CLRN1: variants seen among roughly 807,000 people sequenced by gnomAD.
CLRN1 encodes clarin-1.
Under a neutral mutation model 18.7 loss-of-function variants are expected in CLRN1, and 15 were observed. That is an observed-to-expected ratio of 0.80 (90% confidence interval 0.54 to 1.23). CLRN1 has a LOEUF of 1.23. CLRN1 is among the 50% of genes most tolerant of loss of function. CLRN1 has a pLI of 0.00. For synonymous variants in CLRN1, 104 were observed against 102.9 expected (o/e 1.01, Z -0.07); for missense variants, 311 against 277.5 (o/e 1.12, Z -0.86).
intron 1 of CLRN1, among the ~76,000 whole-genome samples, chr3:150,959,990 A>G (rs947391674): frequency 4.6e-5 from 7 of 152,286 alleles, no homozygotes; most frequent in Admixed American, 3.3e-4. Flanking sequence ...TCAAAGCACA[A>G]TGGGTAGAGG....
At chr3:150,966,816 A>G (rs1715281949) in intron 1 of CLRN1, among the ~76,000 whole-genome samples, 1 of 152,220 alleles carries the variant, frequency 6.6e-6, no homozygotes, top group African/African-American at 2.4e-5. Context: ...ATGTCTAATG[A>G]TGGTGGCCAA....
chr3:150,945,731 T>C lies in CLRN1; in HGVS notation c.254-3970A>G, dbSNP rs915672373. On this transcript the variant is annotated intron_variant, in intron 1 of 2. Transcript: ENST00000327047. ...TAAAACTTTGAGATACCATTTTCAA[T>C]ACATCATGTTTACAAAGATGAAAGC... 8.4e-6 allele frequency: 8 copies of C among 956,806 alleles called. No individual in the cohort carries two copies. In the African/African-American group the frequency reaches 1.2e-4, roughly 14 times the overall value. 59.3% of individuals were successfully genotyped at this position (956,806 alleles called of 1,614,324 possible).
chr3:150,928,874 G>A lies in CLRN1; in HGVS notation c.434-673C>T, dbSNP rs75253061. On this transcript the variant is annotated intron_variant, in intron 2 of 2. Transcript: ENST00000327047. Reference sequence around the variant, plus strand: ...CTAAGGGTGGTTGGGAAGTATGGGCGGGATAGTCTTCTTGAACTATACAGG... The same window carrying A: ...CTAAGGGTGGTTGGGAAGTATGGGCAGGATAGTCTTCTTGAACTATACAGG... Among the ~76,000 whole-genome samples the A allele has an allele frequency of 4.4e-4, 67 of 152,288 alleles. No homozygotes were observed. The East Asian group carries it at 6.0e-3, about 14-fold the overall frequency.
chr3:150,948,645 C>G (rs994103573), intron 1 of CLRN1, among the ~76,000 whole-genome samples: 1 of 151,466 alleles, frequency 6.6e-6, no homozygotes, highest in South Asian at 2.1e-4. Flanking sequence ...TACACCTTCC[C>G]AAGACTGGAC....
chr3:150,945,872 A>G (rs139365108), intron 1 of CLRN1, among the ~76,000 whole-genome samples: 6 of 152,324 alleles, frequency 3.9e-5, no homozygotes, highest in African/African-American at 1.4e-4. Flanking sequence ...TCTATAAAGC[A>G]TTAAAATGCA....
rs1713869846 is a variant in CLRN1, at chr3:150,941,910, G to C, written c.254-149C>G. ...ATTCTCACTTACTAACTTATAAGGG[G>C]TTTACAAAAAGGTTTAAAGATAGGA... On this transcript the variant is annotated intron_variant, in intron 1 of 2. Transcript: ENST00000327047. The C allele has an allele frequency of 1.1e-5, 8 of 756,110 alleles. No individual in the cohort carries two copies. In the East Asian group the frequency reaches 2.2e-4, roughly 20 times the overall value. 46.8% of individuals were successfully genotyped at this position (756,110 alleles called of 1,614,324 possible).
At chr3:150,958,856 A>G (rs114871519) in intron 1 of CLRN1, among the ~76,000 whole-genome samples, 4,084 of 152,322 alleles carry the variant, frequency 0.027, 89 homozygotes, top group Middle Eastern at 0.089. Flanking sequence ...CCAATAAAAT[A>G]TAAGTGGAGG....
intron 2 of CLRN1, among the ~76,000 whole-genome samples, chr3:150,929,572 G>A (rs146924401): frequency 6.6e-5 from 10 of 152,154 alleles, no homozygotes; most frequent in Admixed American, 2.0e-4. Context: ...ATCTATAAAA[G>A]GTGGCTAATA....
At chr3:150,957,740 C>A (rs1714822507) in intron 1 of CLRN1, among the ~76,000 whole-genome samples, 1 of 152,160 alleles carries the variant, frequency 6.6e-6, no homozygotes, top group Non-Finnish European at 1.5e-5. Flanking sequence ...CTCACTGCAA[C>A]CTCTGCCTCC....
chr3:150,972,372 G>A (rs1576651167), intron 1 of CLRN1, 84 bp downstream of exon 1: 1 of 1,589,764 alleles, frequency 6.3e-7, no homozygotes, highest in East Asian at 2.2e-5. Context: ...AGTAAACACG[G>A]CAAAATTCTC....
chr3:150,962,589 A>T (rs1279453265), intron 1 of CLRN1, among the ~76,000 whole-genome samples: 1 of 152,098 alleles, frequency 6.6e-6, no homozygotes, highest in Non-Finnish European at 1.5e-5. Flanking sequence ...TTTGTTTTAA[A>T]ACTGTTCATG....
At chr3:150,951,528 G>A (rs1198292611) in intron 1 of CLRN1, among the ~76,000 whole-genome samples, 1 of 152,076 alleles carries the variant, frequency 6.6e-6, no homozygotes, top group African/African-American at 2.4e-5. Flanking sequence ...AGTAGAGATG[G>A]GGTTTCACCA....
chr3:150,962,433 G>C (rs1439262843), intron 1 of CLRN1, among the ~76,000 whole-genome samples: 1 of 152,074 alleles, frequency 6.6e-6, no homozygotes, highest in Non-Finnish European at 1.5e-5. Context: ...TAATATATTT[G>C]AGAGATAAAA....
chr3:150,949,323 C>T (rs78242575), intron 1 of CLRN1, among the ~76,000 whole-genome samples: 6,117 of 152,194 alleles, frequency 0.04, 384 homozygotes, highest in African/African-American at 0.14. Flanking sequence ...TCTCTCACCA[C>T]GCCTATTCAA....
Position 150,926,640 on chromosome 3 carries a change from A to G in CLRN1, c.*1296T>C, listed in dbSNP as rs563384397. 6.5e-5 allele frequency: 51 copies of G among 785,726 alleles called. No individual in the cohort carries two copies. Among genetic ancestry groups the G allele is most frequent in the Admixed American group, 1.8e-4 (9 of 49,690 alleles). The allele number at this position is 785,726 out of a possible 1,614,324, so 48.7% of individuals were successfully genotyped here. ...TTGACACCAGAGCAAGTTATTTCTC[A>G]GGTATACGGTTGTTTCATCCTTGTA... On this transcript the variant is annotated 3_prime_UTR_variant, in exon 3 of 3. Coordinates refer to ENST00000327047, the MANE Select transcript of CLRN1 (RefSeq NM_174878.3).
At chr3:150,929,288 A>G (rs967804182) in intron 2 of CLRN1, among the ~76,000 whole-genome samples, 1 of 152,154 alleles carries the variant, frequency 6.6e-6, no homozygotes, top group African/African-American at 2.4e-5. Context: ...TCCCCCGAAG[A>G]TGGACACTGG....
chr3:150,941,291 A>G, intron 2 of CLRN1: 1 of 291,386 alleles, frequency 3.4e-6, no homozygotes, highest in Non-Finnish European at 6.5e-6. Flanking sequence ...AAGTTTACAT[A>G]CTGCTTTTCC....
intron 2 of CLRN1, among the ~76,000 whole-genome samples, chr3:150,936,227 T>C (rs1287919454): frequency 2.6e-5 from 4 of 152,170 alleles, no homozygotes; most frequent in Non-Finnish European, 5.9e-5. Context: ...AGTTTTTATC[T>C]ATGTGCATTC....
chr3:150,940,115 C>T (rs897413204), intron 2 of CLRN1, among the ~76,000 whole-genome samples: 1 of 152,214 alleles, frequency 6.6e-6, no homozygotes, highest in Non-Finnish European at 1.5e-5. Context: ...CTGCTGTGTA[C>T]AGAGCTTCAT....
Sources: gnomAD v4.1 joint callset for allele counts (sites outside exome capture counted in the v4.1 genomes callset) on GRCh38, gnomAD v4.1.1 for gene constraint, MANE v1.5 for transcripts, NCBI Gene and HGNC (gene_info 2026-07-23, HGNC 2026-07-21) for gene names.